The following TRAK1 variants were observed in gnomAD, a reference collection of about 807,000 sequenced individuals.
TRAK1 encodes the protein trafficking kinesin-binding protein 1.
Under a neutral mutation model 92.1 loss-of-function variants are expected in TRAK1, and 33 were observed. The observed-to-expected ratio is 0.36, with a 90% CI of 0.27 to 0.48. The LOEUF is 0.48. Ranked by LOEUF, TRAK1 falls within the 20% of genes least tolerant of loss-of-function variation. The probability of loss-of-function intolerance (pLI) is 0.99; values close to 1 mark genes in which losing one functional copy is unlikely to be tolerated. For missense variants in TRAK1, 1,123 were observed against 1,257.9 expected, an observed-to-expected ratio of 0.89 and a Z score of 1.62; for synonymous variants, 521 against 517.3, an observed-to-expected ratio of 1.01 and a Z score of -0.10.
intron 1 of TRAK1, among the ~76,000 whole-genome samples, chr3:42,062,745 A>T (rs1333372965): frequency 2.6e-5 from 4 of 152,192 alleles, no homozygotes; most frequent in African/African-American, 9.7e-5. Context: ...GCTGCTGCCT[A>T]ATATAATTCT....
At chr3:42,213,223 A>G (rs1451978883) in intron 14 of TRAK1, among the ~76,000 whole-genome samples, 1 of 151,826 alleles carries the variant, frequency 6.6e-6, no homozygotes, top group Non-Finnish European at 1.5e-5. Flanking sequence ...ATTCCAGCTA[A>G]TTTTTTGTAT....
At chr3:42,176,749 G>T (rs1437029587) in intron 2 of TRAK1, 65 bp from the exon 3 acceptor site, 2 of 1,489,360 alleles carry the variant, frequency 1.3e-6, no homozygotes, top group Non-Finnish European at 9.4e-7. Context: ...CACTTTTTTA[G>T]ATGAGTCATT....
chr3:42,044,045 C>G (rs1702663761), intron 1 of TRAK1, among the ~76,000 whole-genome samples: 1 of 152,166 alleles, frequency 6.6e-6, no homozygotes, highest in African/African-American at 2.4e-5. Flanking sequence ...TTCAGGTGGC[C>G]CAAGGCACTG....
chr3:42,191,590 TGAG>T lies in TRAK1; in HGVS notation c.727_729del (p.Glu243del), dbSNP rs1705748189. 6.2e-7 allele frequency: 1 copy of T among 1,603,398 alleles called. No individual in the cohort carries two copies. Among genetic ancestry groups the T allele is most frequent in the Admixed American group, 1.7e-5 (1 of 58,720 alleles). ...AGCTGAAGACAGAGACCATCACCTA[TGAG>T]GAGAAGGAGCAGCAGCTGGTCAATG... On this transcript the variant is annotated inframe_deletion, in exon 7 of 16. Coordinates refer to ENST00000327628, the MANE Select transcript of TRAK1 (RefSeq NM_001042646.3).
intron 1 of TRAK1, among the ~76,000 whole-genome samples, chr3:42,077,710 A>G (rs536038151): frequency 3.9e-5 from 6 of 152,220 alleles, no homozygotes; most frequent in African/African-American, 1.4e-4. Flanking sequence ...TTTTGTGGCT[A>G]TTGTGAATGG....
chr3:42,197,280 A>G (rs1282188531), intron 10 of TRAK1, among the ~76,000 whole-genome samples: 1 of 152,104 alleles, frequency 6.6e-6, no homozygotes, highest in Non-Finnish European at 1.5e-5. Context: ...AAATCCTTCA[A>G]TGCCTAAGTC....
At chr3:42,168,070 A>T (rs1028926037) in intron 2 of TRAK1, among the ~76,000 whole-genome samples, 7 of 152,246 alleles carry the variant, frequency 4.6e-5, no homozygotes, top group Admixed American at 1.3e-4. Context: ...CTAGGAAAAG[A>T]GTTCAAAGTC....
At chr3:42,211,353 G>T (rs1577037177) in intron 14 of TRAK1, 2 of 985,258 alleles carry the variant, frequency 2.0e-6, no homozygotes, top group Non-Finnish European at 2.4e-6. Context: ...TAGCACATAG[G>T]TTTATTTATG....
intron 15 of TRAK1, 24 bp downstream of exon 15, chr3:42,219,620 G>T: frequency 6.3e-7 from 1 of 1,598,846 alleles, no homozygotes; most frequent in South Asian, 1.1e-5. Context: ...GCTTTGGGGT[G>T]GGCAGGGGTG....
intron 2 of TRAK1, among the ~76,000 whole-genome samples, chr3:42,132,236 T>C (rs934967128): frequency 1.8e-5 from 2 of 112,734 alleles, no homozygotes; most frequent in African/African-American, 6.2e-5. Context: ...GTAAATGCTA[T>C]GTTTTTTGTT....
intron 1 of TRAK1, among the ~76,000 whole-genome samples, chr3:42,036,768 T>G (rs1229834986): frequency 6.6e-6 from 1 of 152,188 alleles, no homozygotes; most frequent in African/African-American, 2.4e-5. Flanking sequence ...TCTATCTTTT[T>G]GAGACAGGGT....
Position 42,200,903 on chromosome 3 carries a change from C to T in TRAK1, c.1276C>T (p.Pro426Ser). ...RSLTPSPMNI[P>S]GSNQSSAMNS... Reference sequence around the variant, plus strand: ...TCTGACCCCTTCTCCCATGAACATCCCCGGCTCCAACCAGTCCTCGGCCAT... The same window carrying T: ...TCTGACCCCTTCTCCCATGAACATCTCCGGCTCCAACCAGTCCTCGGCCAT... Residue 426 changes from proline to serine, a missense_variant, in exon 12 of 16, where the codon CCC (proline) becomes TCC (serine). Pro to Ser is a moderately conservative substitution (Grantham distance 74). Transcript: ENST00000327628. The T allele has an allele frequency of 6.2e-7, 1 of 1,614,176 alleles. No individual in the cohort carries two copies. The highest frequency in any genetic ancestry group is 8.5e-7 in the Non-Finnish European group (1 of 1,180,050).
chr3:42,092,686 G>T (rs9829220), intron 1 of TRAK1, among the ~76,000 whole-genome samples: 4,379 of 34,678 alleles, frequency 0.13, 185 homozygotes, highest in East Asian at 0.3. Flanking sequence ...TTATTTTGTT[G>T]TGTTGTGTTG....
At chr3:42,023,449 G>A (rs552330922) in intron 1 of TRAK1, among the ~76,000 whole-genome samples, 7 of 152,142 alleles carry the variant, frequency 4.6e-5, no homozygotes, top group Non-Finnish European at 7.3e-5. Context: ...TGGTAAACGT[G>A]TCCTAGGCCG....
chr3:42,119,839 T>C (rs1298745795), intron 1 of TRAK1, among the ~76,000 whole-genome samples: 3 of 152,124 alleles, frequency 2.0e-5, no homozygotes, highest in East Asian at 3.9e-4. Context: ...GAAGTGGCAA[T>C]TGCATACTGG....
At chr3:42,117,129 C>T (rs1313211060) in intron 1 of TRAK1, among the ~76,000 whole-genome samples, 2 of 151,968 alleles carry the variant, frequency 1.3e-5, no homozygotes, top group African/African-American at 4.8e-5. Context: ...CAGACACAGC[C>T]CTCAGAATGT....
At chr3:42,120,740 G>A (rs781710002) in intron 1 of TRAK1, among the ~76,000 whole-genome samples, 1 of 152,064 alleles carries the variant, frequency 6.6e-6, no homozygotes, top group Non-Finnish European at 1.5e-5. Flanking sequence ...TACAGACGGG[G>A]TTTCAACAAG....
chr3:42,134,393 T>C (rs894834303), intron 2 of TRAK1, among the ~76,000 whole-genome samples: 2 of 151,074 alleles, frequency 1.3e-5, no homozygotes, highest in Admixed American at 1.3e-4. Flanking sequence ...TCCTTCTGTC[T>C]CAGCCTCCCG....
chr3:42,089,969 C>A (rs1190194167), upstream of TRAK1, among the ~76,000 whole-genome samples: 1 of 152,162 alleles, frequency 6.6e-6, no homozygotes, highest in Non-Finnish European at 1.5e-5. Context: ...AGTGAAGAGT[C>A]TAAATCTCGA....
Sources: allele counts gnomAD v4.1 joint callset (sites outside exome capture counted in the v4.1 genomes callset), GRCh38; gene constraint gnomAD v4.1.1; transcripts MANE v1.5; gene names NCBI Gene and HGNC (gene_info 2026-07-23, HGNC 2026-07-21).